The following ADORA2B variants were observed in gnomAD, a reference collection of about 807,000 sequenced individuals.
The protein encoded by ADORA2B is adenosine receptor A2b.
In ADORA2B, 18 loss-of-function variants were observed where a neutral mutation model predicts 20.8. The observed-to-expected ratio is 0.87, with a 90% CI of 0.60 to 1.29. The LOEUF is 1.29. ADORA2B is among the 50% of genes most tolerant of loss of function. The pLI, the probability that ADORA2B is intolerant of heterozygous loss-of-function variation, is 0.00. For synonymous variants in ADORA2B, 179 were observed against 178.3 expected (o/e 1.00, Z -0.03); for missense variants, 441 against 422.7 (o/e 1.04, Z -0.38).
chr17:15,974,395 A>T, intron 1 of ADORA2B: 1 of 341,128 alleles, frequency 2.9e-6, no homozygotes, highest in Non-Finnish European at 5.3e-6. Flanking sequence ...TTGAGGACTT[A>T]CAGTACTCCC....
the ADORA2B span, among the ~76,000 whole-genome samples, chr17:15,929,819 G>A: frequency 6.6e-6 from 1 of 152,126 alleles, no homozygotes; most frequent in African/African-American, 2.4e-5. Context: ...AGAGTAGTCA[G>A]ATTCATAGAG....
chr17:15,910,670 T>C, the ADORA2B span, among the ~76,000 whole-genome samples: 1 of 152,162 alleles, frequency 6.6e-6, no homozygotes, highest in African/African-American at 2.4e-5. Flanking sequence ...TTAGTGTTAG[T>C]GTATTTTATG....
At chr17:15,925,116 A>G in the ADORA2B span, among the ~76,000 whole-genome samples, 1 of 151,556 alleles carries the variant, frequency 6.6e-6, no homozygotes, top group African/African-American at 2.4e-5. Flanking sequence ...GCTCACAGCA[A>G]CCTCCACCTC....
the ADORA2B span, among the ~76,000 whole-genome samples, chr17:15,881,673 C>A: frequency 6.6e-6 from 1 of 152,238 alleles, no homozygotes; most frequent in Admixed American, 6.5e-5. Flanking sequence ...CGTGGACTCA[C>A]ACCGCATGTG....
chr17:15,904,228 C>A, the ADORA2B span, among the ~76,000 whole-genome samples: 8 of 152,096 alleles, frequency 5.3e-5, no homozygotes, highest in Admixed American at 5.2e-4. Flanking sequence ...GATTCTCCCA[C>A]CTCGGTCTCC....
At chr17:15,866,654 A>C in the ADORA2B span, among the ~76,000 whole-genome samples, 1 of 147,610 alleles carries the variant, frequency 6.8e-6, no homozygotes, top group African/African-American at 2.6e-5. Flanking sequence ...ACCTTCTTCC[A>C]GTGTGCCTTA....
At chr17:15,886,243 G>GTATTTATTTATTTAT in the ADORA2B span, among the ~76,000 whole-genome samples, 6 of 132,866 alleles carry the variant, frequency 4.5e-5, no homozygotes, top group Admixed American at 7.3e-5. Context: ...GAATCTTGTA[G>GTATTTATTTATTTAT]TGGCTCGCCC....
the ADORA2B span, among the ~76,000 whole-genome samples, chr17:15,851,593 C>A: frequency 6.6e-6 from 1 of 152,170 alleles, no homozygotes; most frequent in Non-Finnish European, 1.5e-5. Context: ...GGGCAGCTTT[C>A]TACTCCCTGT....
the ADORA2B span, among the ~76,000 whole-genome samples, chr17:15,854,033 G>A: frequency 2.0e-5 from 3 of 152,156 alleles, no homozygotes; most frequent in Admixed American, 1.3e-4. Context: ...CTGGCTCACC[G>A]CAACCTCCGC....
At chr17:15,935,818 C>T in the ADORA2B span, among the ~76,000 whole-genome samples, 1 of 150,750 alleles carries the variant, frequency 6.6e-6, no homozygotes, top group East Asian at 1.9e-4. Flanking sequence ...TTTGCAAGTC[C>T]AAATTCGCTG....
At chr17:15,943,424 T>C (rs539885239), upstream of ADORA2B, among the ~76,000 whole-genome samples, 13 of 152,310 alleles carry the variant, frequency 8.5e-5, no homozygotes, top group African/African-American at 2.6e-4. Context: ...ACCCCTGGCC[T>C]CAAAGGATCC....
At chr17:15,929,277 CAG>C in the ADORA2B span, among the ~76,000 whole-genome samples, 4 of 152,112 alleles carry the variant, frequency 2.6e-5, no homozygotes, top group African/African-American at 9.7e-5. Context: ...CTGGAGATGA[CAG>C]TGGTGTGGAA....
chr17:15,917,344 G>C, the ADORA2B span, among the ~76,000 whole-genome samples: 2 of 152,210 alleles, frequency 1.3e-5, no homozygotes, highest in South Asian at 4.1e-4. Flanking sequence ...GGGCTAGGCG[G>C]GGACAGCGGT....
chr17:15,957,793 C>G lies in ADORA2B; in HGVS notation c.335+12210C>G, dbSNP rs137968002. Reference sequence around the variant, plus strand: ...TAAATGTGTTCAAACTCCTCCCACCCGTCTCCGCCCAACCTTCTTTGGTGT... The same window carrying G: ...TAAATGTGTTCAAACTCCTCCCACCGGTCTCCGCCCAACCTTCTTTGGTGT... On this transcript the variant is annotated intron_variant, in intron 1 of 1. Transcript: ENST00000304222. 2.2e-3 allele frequency among the ~76,000 whole-genome samples: 328 copies of G among 152,240 alleles called. 1 individual carries two copies. Among genetic ancestry groups the G allele is most frequent in the African/African-American group, 7.5e-3 (310 of 41,546 alleles).
At chr17:15,904,849 C>G in the ADORA2B span, among the ~76,000 whole-genome samples, 1 of 152,242 alleles carries the variant, frequency 6.6e-6, no homozygotes, top group South Asian at 2.1e-4. Context: ...ACACCTTTGT[C>G]AAAAATTAGT....
At chr17:15,973,492 C>A (rs1970211683) in intron 1 of ADORA2B, among the ~76,000 whole-genome samples, 1 of 152,220 alleles carries the variant, frequency 6.6e-6, no homozygotes, top group Non-Finnish European at 1.5e-5. Context: ...TAGTACTGGT[C>A]CGTGGCCTGT....
chr17:15,967,114 C>T (rs1165967102), intron 1 of ADORA2B, among the ~76,000 whole-genome samples: 1 of 152,128 alleles, frequency 6.6e-6, no homozygotes, highest in Non-Finnish European at 1.5e-5. Flanking sequence ...AGAGGCCCAG[C>T]AGGAAGTGGG....
chr17:15,885,106 C>T, the ADORA2B span, among the ~76,000 whole-genome samples: 1 of 152,156 alleles, frequency 6.6e-6, no homozygotes, highest in African/African-American at 2.4e-5. Context: ...TTTTAATAAT[C>T]GCCATTCTGA....
At chr17:15,885,725 A>AC in the ADORA2B span, among the ~76,000 whole-genome samples, 1 of 151,550 alleles carries the variant, frequency 6.6e-6, no homozygotes, top group Non-Finnish European at 1.5e-5. Flanking sequence ...AAAAAAAAAA[A>AC]CAAAAAAAAA....
Sources: gnomAD v4.1 joint callset for allele counts (sites outside exome capture counted in the v4.1 genomes callset) on GRCh38, gnomAD v4.1.1 for gene constraint, MANE v1.5 for transcripts, NCBI Gene and HGNC (gene_info 2026-07-23, HGNC 2026-07-21) for gene names.